IL1RAPL2: variants seen among roughly 807,000 people sequenced by gnomAD.
IL1RAPL2 encodes X-linked interleukin-1 receptor accessory protein-like 2.
Under a neutral mutation model 44.1 loss-of-function variants are expected in IL1RAPL2, and 3 were observed. The ratio of observed to expected loss-of-function variants is 0.07; its 90% CI spans 0.03 to 0.18. The LOEUF is 0.18. IL1RAPL2 is among the 10% of genes least tolerant of loss of function. The pLI, the probability that IL1RAPL2 is intolerant of heterozygous loss-of-function variation, is 1.00. For synonymous variants in IL1RAPL2, 181 were observed against 178.8 expected (o/e 1.01, Z -0.10); for missense variants, 391 against 496.4 (o/e 0.79, Z 2.02).
intron 2 of IL1RAPL2, among the ~76,000 whole-genome samples, chrX:104,881,859 T>G (rs1923079471): frequency 8.9e-6 from 1 of 111,960 alleles, no homozygotes; most frequent in Non-Finnish European, 1.9e-5. Flanking sequence ...GTGGTGAGAA[T>G]TTTTTGAGAA....
At chrX:105,211,569 T>G (rs980106435) in intron 3 of IL1RAPL2, among the ~76,000 whole-genome samples, 1 of 111,206 alleles carries the variant, frequency 9.0e-6, no homozygotes, top group Non-Finnish European at 1.9e-5. Context: ...TCTCCACTAC[T>G]CACCATACCC....
intron 9 of IL1RAPL2, among the ~76,000 whole-genome samples, chrX:105,754,758 G>A (rs1318625284): frequency 8.9e-6 from 1 of 112,196 alleles, no homozygotes; most frequent in African/African-American, 3.2e-5. Flanking sequence ...GCCCCTGTTG[G>A]ATCTTTTGCA....
At chrX:105,244,630 A>G (rs1404301147) in intron 4 of IL1RAPL2, among the ~76,000 whole-genome samples, 3 of 112,061 alleles carry the variant, frequency 2.7e-5, no homozygotes, top group African/African-American at 9.7e-5. Context: ...AGAGTAATGG[A>G]CACAGTGGGT....
intron 5 of IL1RAPL2, among the ~76,000 whole-genome samples, chrX:105,397,886 T>A (rs1352094592): frequency 9.0e-6 from 1 of 110,902 alleles, no homozygotes; most frequent in East Asian, 2.8e-4. Context: ...TACTCTTTTT[T>A]TTTCCCCAAT....
chrX:105,218,352 C>CAGT, intron 3 of IL1RAPL2, among the ~76,000 whole-genome samples: 1 of 111,450 alleles, frequency 9.0e-6, no homozygotes, highest in Non-Finnish European at 1.9e-5. Context: ...CAAGCCTCAG[C>CAGT]AGTGGCCTCA....
intron 2 of IL1RAPL2, among the ~76,000 whole-genome samples, chrX:104,994,544 A>C (rs1342972891): frequency 8.9e-6 from 1 of 111,771 alleles, no homozygotes; most frequent in Non-Finnish European, 1.9e-5. Context: ...AAAATATTAA[A>C]TAAGCAAACA....
chrX:105,404,867 A>T (rs997060817), intron 5 of IL1RAPL2, among the ~76,000 whole-genome samples: 5 of 112,085 alleles, frequency 4.5e-5, no homozygotes, highest in Non-Finnish European at 9.4e-5. Flanking sequence ...CCATACTTTC[A>T]CAAGATTTTA....
intron 2 of IL1RAPL2, among the ~76,000 whole-genome samples, chrX:105,101,796 G>A (rs1178032282): frequency 1.8e-5 from 2 of 111,781 alleles, no homozygotes. Flanking sequence ...CATTGCTTCT[G>A]TTAAATGTTC....
chrX:105,411,528 A>C (rs1785189701), intron 5 of IL1RAPL2, among the ~76,000 whole-genome samples: 1 of 111,589 alleles, frequency 9.0e-6, no homozygotes. Context: ...TACTCATATC[A>C]GATAAAATAG....
chrX:104,685,821 G>A (rs1317951543), intron 2 of IL1RAPL2, among the ~76,000 whole-genome samples: 4 of 109,878 alleles, frequency 3.6e-5, no homozygotes, highest in South Asian at 4.0e-4. Context: ...CCAGCTACTC[G>A]GGAGGCTGAG....
chrX:105,214,272 G>A (rs1370453328), intron 3 of IL1RAPL2, among the ~76,000 whole-genome samples: 3 of 103,213 alleles, frequency 2.9e-5, no homozygotes, highest in Non-Finnish European at 5.9e-5. Context: ...AGGGATGGAG[G>A]AATATTTACT....
chrX:104,717,511 A>C (rs1931593302), intron 2 of IL1RAPL2, among the ~76,000 whole-genome samples: 1 of 109,859 alleles, frequency 9.1e-6, no homozygotes, highest in Non-Finnish European at 1.9e-5. Context: ...GGGTTCATAC[A>C]AAAATGGGAA....
chrX:105,403,870 T>C (rs1447890749), intron 5 of IL1RAPL2, among the ~76,000 whole-genome samples: 1 of 111,606 alleles, frequency 9.0e-6, no homozygotes, highest in African/African-American at 3.3e-5. Context: ...CTCCTACTGC[T>C]CTTATTCTCT....
At chrX:105,052,879 C>A (rs2031946025) in intron 2 of IL1RAPL2, among the ~76,000 whole-genome samples, 1 of 110,580 alleles carries the variant, frequency 9.0e-6, no homozygotes, top group Non-Finnish European at 1.9e-5. Flanking sequence ...CTCCACTTGA[C>A]CCCACCTACC....
intron 1 of IL1RAPL2, among the ~76,000 whole-genome samples, chrX:104,599,871 T>G (rs1435716343): frequency 9.0e-6 from 1 of 111,489 alleles, no homozygotes; most frequent in African/African-American, 3.3e-5. Flanking sequence ...GTTTTTTTTG[T>G]GTGTGTTTTA....
intron 6 of IL1RAPL2, among the ~76,000 whole-genome samples, chrX:105,595,277 G>A (rs1285188581): frequency 9.0e-6 from 1 of 111,709 alleles, no homozygotes; most frequent in African/African-American, 3.3e-5. Flanking sequence ...AATGTAGACG[G>A]AAGTTTATTA....
At chrX:105,034,480 A>G (rs1250608519) in intron 2 of IL1RAPL2, among the ~76,000 whole-genome samples, 1 of 112,327 alleles carries the variant, frequency 8.9e-6, no homozygotes, top group African/African-American at 3.2e-5. Context: ...GGAGTTTGCT[A>G]GAGGTCCACT....
chrX:104,791,752 T>A (rs1231058281), intron 2 of IL1RAPL2, among the ~76,000 whole-genome samples: 3 of 111,561 alleles, frequency 2.7e-5, no homozygotes. Context: ...TAACTTTCTG[T>A]GTGACCTTAG....
chrX:105,600,605 T>G (rs1395036269), intron 6 of IL1RAPL2, among the ~76,000 whole-genome samples: 3 of 108,500 alleles, frequency 2.8e-5, no homozygotes, highest in Admixed American at 9.9e-5. Context: ...ACCAATAAAC[T>G]TCTTATAAAT....
Sources: gnomAD v4.1 joint callset for allele counts (sites outside exome capture counted in the v4.1 genomes callset) on GRCh38, gnomAD v4.1.1 for gene constraint, MANE v1.5 for transcripts, NCBI Gene and HGNC (gene_info 2026-07-23, HGNC 2026-07-21) for gene names.